ORC1: variants seen among roughly 807,000 people sequenced by gnomAD.
The protein encoded by ORC1 is origin recognition complex, subunit 1 homolog.
Under a neutral mutation model 98.9 loss-of-function variants are expected in ORC1, and 61 were observed. That is an observed-to-expected ratio of 0.62 (90% confidence interval 0.50 to 0.76). The LOEUF is 0.76. Among genes scored for constraint, ORC1 ranks in the 30% least tolerant of loss-of-function variants. The pLI is 0.00. For missense variants in ORC1, 979 were observed against 1,072.2 expected (o/e 0.91, Z 1.21); for synonymous variants, 385 against 406.9 (o/e 0.95, Z 0.65).
Position 52,393,536 on chromosome 1 carries a change from A to G in ORC1, c.989T>C (p.Ile330Thr). 6.2e-7 allele frequency: 1 copy of G among 1,613,944 alleles called. No homozygotes were observed. The highest frequency in any genetic ancestry group is 8.5e-7 in the Non-Finnish European group (1 of 1,179,968). ...AGGGGTAAGTGTTCTCTCCTCTCTA[A>G]TGTCTATGGTTTTCGAAGCTGCAAT... ...TRIAASKTIDIREERTLTPIS... is the reference protein window; with the variant it reads ...TRIAASKTIDTREERTLTPIS... Residue 330 changes from isoleucine to threonine, a missense_variant, in exon 6 of 17, where the codon ATT becomes ACT. Physicochemically the swap from Ile to Thr is moderately conservative, Grantham distance 89. Transcript: ENST00000371568.
At chr1:52,405,160 C>G (rs1293391304), upstream of ORC1, among the ~76,000 whole-genome samples, 2 of 152,194 alleles carry the variant, frequency 1.3e-5, no homozygotes, top group Non-Finnish European at 2.9e-5. Flanking sequence ...GTGTTAAGCT[C>G]AGGGATCCGG....
Position 52,383,512 on chromosome 1 carries a change from T to C in ORC1, c.1921A>G (p.Thr641Ala). Residue 641 changes from threonine (T) to alanine (A), a missense_variant, in exon 13 of 17, where the codon ACT becomes GCT. Transcript: ENST00000371568. ...ACCACAAGCCGGGCCTCCTTATGAG[T>C]GGGCCAGTCAAAGAGATTGTACATT... ...DIMYNLFDWP[T>A]HKEARLVVLA... 6.2e-7 allele frequency: 1 copy of C among 1,613,788 alleles called. No individual in the cohort carries two copies. Among genetic ancestry groups the C allele is most frequent in the South Asian group, 1.1e-5 (1 of 91,070 alleles).
intron 13 of ORC1, among the ~76,000 whole-genome samples, chr1:52,382,024 G>A (rs1055213516): frequency 6.6e-6 from 1 of 152,014 alleles, no homozygotes; most frequent in Admixed American, 6.6e-5. Flanking sequence ...TGTTGCCCAG[G>A]CTACCGTGCA....
chr1:52,381,174 A>C (rs1014288810), intron 14 of ORC1, among the ~76,000 whole-genome samples: 25 of 152,234 alleles, frequency 1.6e-4, no homozygotes, highest in Non-Finnish European at 3.5e-4. Context: ...CTAATACCTC[A>C]TATCTAGCCT....
At chr1:52,386,087 G>A in intron 8 of ORC1, 138 bp from the exon 9 acceptor site, 2 of 721,360 alleles carry the variant, frequency 2.8e-6, no homozygotes, top group Non-Finnish European at 5.1e-6. Flanking sequence ...CTGGATAAAG[G>A]ACCATGACTC....
chr1:52,378,995 T>C (rs1423838207), intron 14 of ORC1, among the ~76,000 whole-genome samples: 3 of 151,652 alleles, frequency 2.0e-5, no homozygotes, highest in Non-Finnish European at 2.9e-5. Context: ...ATTGTGCCAC[T>C]GCACTCCAGC....
Position 52,383,419 on chromosome 1 carries a change from C to A in ORC1, c.2013+1G>T. 2 of 1,612,402 alleles carry A rather than the reference C, an allele frequency of 1.2e-6. No individual in the cohort carries two copies. Among genetic ancestry groups the A allele is most frequent in the Non-Finnish European group, 1.7e-6 (2 of 1,180,012 alleles). ...AGCATGGGAACTGCCCTAGAACCTA[C>A]CAGTCGGCTGGACACCCGGTTCATC... is the stretch of plus-strand genomic sequence containing the variant. On this transcript the variant is annotated splice_donor_variant, in intron 13 of 16. Transcript: ENST00000371568. LOFTEE classifies it high-confidence loss of function.
At chr1:52,375,110 C>T (rs532324565) in intron 15 of ORC1, among the ~76,000 whole-genome samples, 8 of 152,238 alleles carry the variant, frequency 5.3e-5, no homozygotes, top group African/African-American at 1.2e-4. Flanking sequence ...CAACTACATC[C>T]GGAAATACAC....
chr1:52,396,763 C>T (rs1267495164), intron 4 of ORC1, among the ~76,000 whole-genome samples: 1 of 152,192 alleles, frequency 6.6e-6, no homozygotes, highest in Non-Finnish European at 1.5e-5. Context: ...CTTTTCCAGT[C>T]CATTCTGTTC....
At chr1:52,407,536 C>G (rs1298039686), upstream of ORC1, among the ~76,000 whole-genome samples, 1 of 152,176 alleles carries the variant, frequency 6.6e-6, no homozygotes, top group African/African-American at 2.4e-5. Context: ...GAATTTGAAC[C>G]CAGATGACTT....
At chr1:52,406,590 T>C (rs1648005159), upstream of ORC1, among the ~76,000 whole-genome samples, 1 of 152,070 alleles carries the variant, frequency 6.6e-6, no homozygotes, top group African/African-American at 2.4e-5. Context: ...GACTATAATA[T>C]AAGAGTGAAA....
intron 8 of ORC1, 39 bp from the exon 9 acceptor site, chr1:52,385,988 G>A (rs1296842534): frequency 1.4e-6 from 2 of 1,452,496 alleles, no homozygotes; most frequent in Non-Finnish European, 1.9e-6. Flanking sequence ...CAAGGAAAAA[G>A]CAAAACACCA....
intron 7 of ORC1, 32 bp downstream of exon 7, chr1:52,389,185 A>G (rs570213942): frequency 2.7e-6 from 4 of 1,482,546 alleles, no homozygotes; most frequent in Admixed American, 1.7e-5. Flanking sequence ...GATGGCAGCA[A>G]TGTTTCTCTG....
At chr1:52,378,011 G>A (rs1424761728) in intron 14 of ORC1, among the ~76,000 whole-genome samples, 1 of 152,184 alleles carries the variant, frequency 6.6e-6, no homozygotes, top group Non-Finnish European at 1.5e-5. Flanking sequence ...ATTTGAGGAA[G>A]AGCAGCATCC....
intron 14 of ORC1, among the ~76,000 whole-genome samples, chr1:52,376,794 T>C (rs1647000554): frequency 6.6e-6 from 1 of 152,028 alleles, no homozygotes; most frequent in South Asian, 2.1e-4. Context: ...TTGGCAACCC[T>C]ATGCATCCCT....
At chr1:52,396,884 C>T (rs114986292) in intron 4 of ORC1, among the ~76,000 whole-genome samples, 188 of 152,296 alleles carry the variant, frequency 1.2e-3, no homozygotes, top group African/African-American at 4.2e-3. Context: ...TTTTCAATGC[C>T]TTCTAAGATC....
chr1:52,377,789 G>A (rs1347660936), intron 14 of ORC1, among the ~76,000 whole-genome samples: 1 of 148,982 alleles, frequency 6.7e-6, no homozygotes, highest in African/African-American at 2.5e-5. Flanking sequence ...GGAGCATGCT[G>A]AATTCCATGC....
At chr1:52,407,442 G>A (rs1449732886), upstream of ORC1, among the ~76,000 whole-genome samples, 2 of 152,156 alleles carry the variant, frequency 1.3e-5, no homozygotes, top group South Asian at 2.1e-4. Context: ...CCATAAATTA[G>A]GTAGCATTAT....
At chr1:52,386,987 T>C (rs1230651188) in intron 8 of ORC1, among the ~76,000 whole-genome samples, 2 of 152,268 alleles carry the variant, frequency 1.3e-5, no homozygotes, top group East Asian at 3.9e-4. Context: ...CATTTATTAA[T>C]TTTGGAGAAA....
Sources: allele counts gnomAD v4.1 joint callset (sites outside exome capture counted in the v4.1 genomes callset), GRCh38; gene constraint gnomAD v4.1.1; transcripts MANE v1.5; gene names NCBI Gene and HGNC (gene_info 2026-07-23, HGNC 2026-07-21).